The following NCOA3 variants were observed in gnomAD, a reference collection of about 807,000 sequenced individuals.
NCOA3 encodes the protein CBP-interacting protein.
NCOA3 carries 51 observed loss-of-function variants against 158.8 expected under a neutral mutation model. The ratio of observed to expected loss-of-function variants is 0.32; its 90% CI spans 0.26 to 0.41. The LOEUF (loss-of-function observed/expected upper bound fraction) is 0.41, where lower values mean the gene tolerates loss of function less well. NCOA3 is among the 10% of genes least tolerant of loss of function. The probability of loss-of-function intolerance (pLI) is 1.00; values close to 1 mark genes in which losing one functional copy is unlikely to be tolerated. For missense variants in NCOA3, 1,510 were observed against 1,746.6 expected, an observed-to-expected ratio of 0.86 and a Z score of 2.41; for synonymous variants, 537 against 592.4, an observed-to-expected ratio of 0.91 and a Z score of 1.36.
intron 1 of NCOA3, among the ~76,000 whole-genome samples, chr20:47,569,749 G>A (rs12625371): frequency 0.2 from 30,816 of 151,906 alleles, 3,592 homozygotes; most frequent in Middle Eastern, 0.28. Context: ...AGTGGCTCAC[G>A]CCTGTAATCT....
At chr20:47,545,352 T>C (rs2084811836) in intron 1 of NCOA3, among the ~76,000 whole-genome samples, 1 of 151,982 alleles carries the variant, frequency 6.6e-6, no homozygotes, top group Non-Finnish European at 1.5e-5. Flanking sequence ...AATTTTTGTA[T>C]TTTTAGTAGA....
chr20:47,548,817 A>G (rs540138973), intron 1 of NCOA3, among the ~76,000 whole-genome samples: 50 of 152,280 alleles, frequency 3.3e-4, no homozygotes, highest in Admixed American at 3.1e-3. Flanking sequence ...TGTTCTGCGT[A>G]CTGCTGTTAG....
At chr20:47,547,198 C>T (rs976653045) in intron 1 of NCOA3, among the ~76,000 whole-genome samples, 3 of 152,078 alleles carry the variant, frequency 2.0e-5, no homozygotes, top group Admixed American at 1.3e-4. Flanking sequence ...AGGTGTCTGG[C>T]ATATGGTAGA....
chr20:47,650,878 G>A, intron 19 of NCOA3, 104 bp from the exon 20 acceptor site: 1 of 1,104,158 alleles, frequency 9.1e-7, no homozygotes, highest in Non-Finnish European at 1.3e-6. Flanking sequence ...AGAAGGCCCT[G>A]GGTGTTTTCT....
chr20:47,638,826 G>T, intron 13 of NCOA3, among the ~76,000 whole-genome samples, 182 bp from the exon 14 acceptor site: 1 of 151,022 alleles, frequency 6.6e-6, no homozygotes, highest in Non-Finnish European at 1.5e-5. Context: ...TTGGCTGGCA[G>T]GGGGGCGGGG....
intron 2 of NCOA3, among the ~76,000 whole-genome samples, chr20:47,607,330 G>T (rs2085963158): frequency 6.6e-6 from 1 of 152,022 alleles, no homozygotes; most frequent in African/African-American, 2.4e-5. Flanking sequence ...CCCTTGTAAG[G>T]GTGTCTTCCT....
Position 47,623,977 on chromosome 20 carries a change from G to C in NCOA3, c.150G>C (p.Glu50Asp). The change falls in exon 4 of 23, where the codon GAG becomes GAC. Residue 50 changes from glutamate (E) to aspartate (D), a missense_variant. Coordinates refer to ENST00000371998, the MANE Select transcript of NCOA3 (RefSeq NM_181659.3). Reference protein sequence around the residue: ...QESKYIEELAELISANLSDID... With the variant: ...QESKYIEELADLISANLSDID... ...GTAAATATATTGAAGAATTGGCTGA[G>C]CTGATATCTGCCAATCTTAGTGATA... 6.2e-7 allele frequency: 1 copy of C among 1,613,264 alleles called. No individual in the cohort carries two copies. The highest frequency in any genetic ancestry group is 1.1e-5 in the South Asian group (1 of 91,002).
intron 1 of NCOA3, among the ~76,000 whole-genome samples, chr20:47,528,575 C>T (rs1158034158): frequency 6.6e-6 from 1 of 152,092 alleles, no homozygotes; most frequent in Non-Finnish European, 1.5e-5. Context: ...ACTTTTGCAT[C>T]AAGTATATAC....
chr20:47,519,936 G>A (rs1032137689), intron 1 of NCOA3, among the ~76,000 whole-genome samples: 5 of 151,844 alleles, frequency 3.3e-5, no homozygotes, highest in African/African-American at 1.2e-4. Context: ...GCTAATATTT[G>A]TATTTTTAGT....
chr20:47,563,731 A>G (rs887186449), intron 1 of NCOA3, among the ~76,000 whole-genome samples: 1 of 151,804 alleles, frequency 6.6e-6, no homozygotes, highest in African/African-American at 2.4e-5. Context: ...TACTAAAAAT[A>G]TAAAAAAATT....
At chr20:47,557,503 C>G (rs564515525) in intron 1 of NCOA3, among the ~76,000 whole-genome samples, 1 of 152,320 alleles carries the variant, frequency 6.6e-6, no homozygotes, top group East Asian at 1.9e-4. Flanking sequence ...CGCCACCTGT[C>G]TGATTCCAAA....
Position 47,639,124 on chromosome 20 carries a change from C to T in NCOA3, c.2629C>T (p.Pro877Ser). 1.2e-6 allele frequency: 2 copies of T among 1,614,074 alleles called. No individual in the cohort carries two copies. The highest frequency in any genetic ancestry group is 8.5e-7 in the Non-Finnish European group (1 of 1,180,020). The change falls in exon 14 of 23, where the codon CCC becomes TCC. Residue 877 changes from proline (P) to serine (S), a missense_variant. Physicochemically the swap from Pro to Ser is moderately conservative, Grantham distance 74. This residue lies in a region of NCOA3 where 1,017 missense variants were observed against 1,098.3 expected (regional missense o/e 0.93). Transcript: ENST00000371998. ...TCCAGTAAAAAATATCAGTGCTTTC[C>T]CCATGTTACCAAAGCAACCCATGTT... ...SPPVKNISAF[P>S]MLPKQPMLGG...
At chr20:47,573,604 A>G (rs1210642484) in intron 1 of NCOA3, among the ~76,000 whole-genome samples, 3 of 152,230 alleles carry the variant, frequency 2.0e-5, no homozygotes, top group African/African-American at 4.8e-5. Context: ...TAAAAAGCGC[A>G]ATATCTGTAA....
At chr20:47,644,741 A>AG (rs1030912823) in intron 17 of NCOA3, among the ~76,000 whole-genome samples, 6 of 151,838 alleles carry the variant, frequency 4.0e-5, no homozygotes, top group African/African-American at 1.5e-4. Context: ...CCTATCGCCC[A>AG]GGCTGGAGTG....
chr20:47,616,200 G>T (rs2086133052), intron 2 of NCOA3, among the ~76,000 whole-genome samples: 1 of 128,012 alleles, frequency 7.8e-6, no homozygotes, highest in Non-Finnish European at 1.6e-5. Flanking sequence ...TTAAATGCAG[G>T]TTTTTTTTTT....
At chr20:47,627,293 T>C in intron 6 of NCOA3, 117 bp downstream of exon 6, 1 of 862,696 alleles carries the variant, frequency 1.2e-6, no homozygotes, top group Non-Finnish European at 1.7e-6. Flanking sequence ...GAAAGGCATG[T>C]GATTTAATAG....
chr20:47,648,972 T>C lies in NCOA3; in HGVS notation c.3547-33T>C, dbSNP rs202075763. The C allele has an allele frequency of 4.1e-3, 5,790 of 1,399,286 alleles. 27 individuals are homozygous for C. Among genetic ancestry groups the C allele is most frequent in the Non-Finnish European group, 5.2e-3 (5,171 of 988,452 alleles). 86.7% of individuals were successfully genotyped at this position (1,399,286 alleles called of 1,614,324 possible). ...GCTGTTTTGGCAGACTGACGTGCTC[T>C]GCTTGCATTCTAACCAACTTGTCTC... On this transcript the variant is annotated intron_variant, in intron 18 of 22. Coordinates refer to ENST00000371998, the MANE Select transcript of NCOA3 (RefSeq NM_181659.3).
intron 4 of NCOA3, among the ~76,000 whole-genome samples, chr20:47,624,452 C>T (rs1323493345): frequency 6.6e-6 from 1 of 152,114 alleles, no homozygotes; most frequent in Non-Finnish European, 1.5e-5. Flanking sequence ...GATTTGCACA[C>T]CTGTGAGAAT....
intron 2 of NCOA3, among the ~76,000 whole-genome samples, chr20:47,594,310 A>C (rs1026571929): frequency 6.6e-6 from 1 of 152,244 alleles, no homozygotes; most frequent in Admixed American, 6.5e-5. Flanking sequence ...GGAACCTTTT[A>C]GTTACCTGCT....
Sources: gnomAD v4.1 joint callset for allele counts (sites outside exome capture counted in the v4.1 genomes callset) on GRCh38, gnomAD v4.1.1 for gene constraint, gnomAD v4.1.1 regional missense constraint, MANE v1.5 for transcripts, NCBI Gene and HGNC (gene_info 2026-07-23, HGNC 2026-07-21) for gene names.